The following KDM5B variants were observed in gnomAD, a reference collection of about 807,000 sequenced individuals.
KDM5B encodes lysine demethylase 5B, also known as lysine-specific demethylase 5B.
A neutral mutation model predicts 193.4 loss-of-function variants in KDM5B; 144 were observed. The observed-to-expected ratio is 0.74, with a 90% confidence interval of 0.65 to 0.86. KDM5B has a LOEUF of 0.86. Ranked by LOEUF, KDM5B falls within the 40% of genes least tolerant of loss-of-function variation. KDM5B has a pLI of 0.00. For missense variants in KDM5B, 1,833 were observed against 1,886.9 expected, an observed-to-expected ratio of 0.97 and a Z score of 0.53; for synonymous variants, 668 against 682.6, an observed-to-expected ratio of 0.98 and a Z score of 0.33.
chr1:202,757,001 T>C (rs1656038487), intron 9 of KDM5B, among the ~76,000 whole-genome samples: 2 of 152,118 alleles, frequency 1.3e-5, no homozygotes, highest in African/African-American at 4.8e-5. Flanking sequence ...ATAGCAGTGG[T>C]CGCCAGTGTC....
At chr1:202,790,850 C>G (rs1004759349) in intron 1 of KDM5B, among the ~76,000 whole-genome samples, 1 of 152,160 alleles carries the variant, frequency 6.6e-6, no homozygotes, top group African/African-American at 2.4e-5. Context: ...CAGGCCAGCA[C>G]AAGACATCAA....
In KDM5B at chr1:202,741,462, C is replaced by A; in HGVS notation, c.2850G>T (p.Pro950=). The change falls in exon 19 of 27, where the codon CCG becomes CCT. Residue 950 remains proline (P), a synonymous_variant. Transcript: ENST00000367265. ...CCATAGCTTTCTCCACTGCTGAATA[C>A]GGGGCCAGCCCTACCCCTAGGTCTA... is the stretch of plus-strand genomic sequence containing the variant. ...RLIDLGVGLA[P]YSAVEKAMAR... 6.2e-7 allele frequency: 1 copy of A among 1,613,494 alleles called. No individual in the cohort carries two copies. Among genetic ancestry groups the A allele is most frequent in the Middle Eastern group, 1.7e-4 (1 of 6,050 alleles).
chr1:202,756,074 G>A (rs1655999004), intron 10 of KDM5B, among the ~76,000 whole-genome samples: 1 of 151,540 alleles, frequency 6.6e-6, no homozygotes. Flanking sequence ...AAATATTAAA[G>A]TTTGAAAATA....
At chr1:202,771,397 A>G (rs1443307336) in intron 4 of KDM5B, among the ~76,000 whole-genome samples, 1 of 54,608 alleles carries the variant, frequency 1.8e-5, no homozygotes. Flanking sequence ...ACATCCAGCT[A>G]ATTTTTTTTT....
chr1:202,738,333 G>A (rs1655173219), intron 20 of KDM5B, among the ~76,000 whole-genome samples: 3 of 152,192 alleles, frequency 2.0e-5, no homozygotes, highest in Admixed American at 2.0e-4. Flanking sequence ...CTGGCTGCTA[G>A]CAATCATGGA....
intron 1 of KDM5B, among the ~76,000 whole-genome samples, chr1:202,784,518 A>C (rs572866617): frequency 6.6e-6 from 1 of 152,348 alleles, no homozygotes; most frequent in East Asian, 1.9e-4. Flanking sequence ...AGATATATGA[A>C]ACATAAAAGA....
At chr1:202,802,200 C>T (rs1332808709) in intron 1 of KDM5B, among the ~76,000 whole-genome samples, 1 of 152,124 alleles carries the variant, frequency 6.6e-6, no homozygotes, top group African/African-American at 2.4e-5. Flanking sequence ...ACACCAGAAA[C>T]CTAATTAGCA....
intron 1 of KDM5B, among the ~76,000 whole-genome samples, chr1:202,805,089 C>T (rs1301928176): frequency 1.3e-5 from 2 of 151,966 alleles, no homozygotes; most frequent in Admixed American, 1.3e-4. Context: ...TATCATTTGT[C>T]CTTAAACAGA....
intron 16 of KDM5B, among the ~76,000 whole-genome samples, chr1:202,744,850 T>C (rs1436014101): frequency 1.3e-5 from 2 of 152,174 alleles, no homozygotes; most frequent in Non-Finnish European, 2.9e-5. Flanking sequence ...CATGCATGTG[T>C]ATGTTCACTG....
At chr1:202,787,408 G>C (rs576707327) in intron 1 of KDM5B, among the ~76,000 whole-genome samples, 1 of 152,094 alleles carries the variant, frequency 6.6e-6, no homozygotes, top group African/African-American at 2.4e-5. Context: ...TAATTTACAT[G>C]GATTGTATCT....
At chr1:202,792,891 G>A (rs775895475) in intron 1 of KDM5B, among the ~76,000 whole-genome samples, 5 of 152,006 alleles carry the variant, frequency 3.3e-5, no homozygotes, top group Non-Finnish European at 7.4e-5. Flanking sequence ...CAGCTGCTCC[G>A]GAGGCTGAGG....
At chr1:202,732,666 A>C (rs1220429838) in intron 23 of KDM5B, among the ~76,000 whole-genome samples, 2 of 151,610 alleles carry the variant, frequency 1.3e-5, no homozygotes, top group Non-Finnish European at 2.9e-5. Flanking sequence ...TTTAACTCAT[A>C]TAATCCATGT....
At chr1:202,799,625 C>T (rs1040609025) in intron 1 of KDM5B, among the ~76,000 whole-genome samples, 1 of 151,230 alleles carries the variant, frequency 6.6e-6, no homozygotes, top group African/African-American at 2.4e-5. Context: ...TGCATGCACT[C>T]CAGCCTGGGT....
chr1:202,796,989 C>T (rs1657875197), intron 1 of KDM5B: 1 of 152,314 alleles, frequency 6.6e-6, no homozygotes, highest in African/African-American at 2.4e-5. Flanking sequence ...TTGCAGGCTT[C>T]CTCCCTTGGA....
At chr1:202,785,636 G>A (rs530106166) in intron 1 of KDM5B, among the ~76,000 whole-genome samples, 6 of 152,194 alleles carry the variant, frequency 3.9e-5, no homozygotes, top group Admixed American at 2.0e-4. Context: ...TTTTGGGAAG[G>A]TGTGGTGGCT....
At chr1:202,800,112 C>G in intron 1 of KDM5B, among the ~76,000 whole-genome samples, 1 of 150,690 alleles carries the variant, frequency 6.6e-6, no homozygotes, top group Non-Finnish European at 1.5e-5. Context: ...GGTGCGATAT[C>G]GGCTCACTGC....
chr1:202,758,585 G>C (rs1252125426), intron 8 of KDM5B, 75 bp from the exon 9 acceptor site: 1 of 1,273,824 alleles, frequency 7.9e-7, no homozygotes, highest in East Asian at 2.5e-5. Flanking sequence ...CAAGCTGGCA[G>C]ATAAAAAACA....
At chr1:202,767,468 A>C (rs1656518912) in intron 4 of KDM5B, 3 of 1,064,514 alleles carry the variant, frequency 2.8e-6, no homozygotes, top group Non-Finnish European at 4.4e-6. Flanking sequence ...AGGAAGGATG[A>C]AATGGCGGCA....
chr1:202,794,537 T>C (rs1164625487), intron 1 of KDM5B, among the ~76,000 whole-genome samples: 1 of 152,238 alleles, frequency 6.6e-6, no homozygotes, highest in Non-Finnish European at 1.5e-5. Context: ...TAAGGGCACA[T>C]AAAGTACATA....
Sources: allele counts gnomAD v4.1 joint callset (sites outside exome capture counted in the v4.1 genomes callset), GRCh38; gene constraint gnomAD v4.1.1; transcripts MANE v1.5; gene names NCBI Gene and HGNC (gene_info 2026-07-23, HGNC 2026-07-21).